The following MLLT10 variants were observed in gnomAD, a reference collection of about 807,000 sequenced individuals.
MLLT10 encodes the protein MLLT10 histone lysine methyltransferase DOT1L cofactor, also known as protein AF-10.
A neutral mutation model predicts 129.1 loss-of-function variants in MLLT10; 30 were observed. That is an observed-to-expected ratio of 0.23 (90% CI 0.17 to 0.32). The LOEUF is 0.32. Among genes scored for constraint, MLLT10 ranks in the 10% least tolerant of loss-of-function variants. The pLI, the probability that MLLT10 is intolerant of heterozygous loss-of-function variation, is 1.00. For missense variants in MLLT10, 1,119 were observed against 1,268.3 expected (o/e 0.88, Z 1.79); for synonymous variants, 490 against 446.4 (o/e 1.10, Z -1.23).
chr10:21,609,141 A>AT (rs1468593879), intron 5 of MLLT10, among the ~76,000 whole-genome samples: 8 of 151,706 alleles, frequency 5.3e-5, no homozygotes, highest in East Asian at 1.9e-4. Context: ...CCAGTTCCCC[A>AT]TTTTTTTTAG....
At chr10:21,627,408 T>C (rs571268682) in intron 8 of MLLT10, among the ~76,000 whole-genome samples, 10 of 152,278 alleles carry the variant, frequency 6.6e-5, no homozygotes, top group Non-Finnish European at 1.3e-4. Flanking sequence ...ATATTCAAAT[T>C]GCAGCCACTG....
intron 3 of MLLT10, among the ~76,000 whole-genome samples, chr10:21,565,690 G>A (rs1372036429): frequency 2.7e-5 from 4 of 150,192 alleles, no homozygotes; most frequent in Non-Finnish European, 5.9e-5. Context: ...ACTGCAGCCT[G>A]GACCTCCTGG....
chr10:21,714,018 G>T, intron 14 of MLLT10, 68 bp downstream of exon 14: 1 of 1,399,716 alleles, frequency 7.1e-7, no homozygotes. Flanking sequence ...AGTTTTGTTG[G>T]AGGAGAAACA....
chr10:21,656,447 C>G (rs988757308), intron 9 of MLLT10, among the ~76,000 whole-genome samples: 1 of 152,152 alleles, frequency 6.6e-6, no homozygotes, highest in South Asian at 2.1e-4. Flanking sequence ...CTTTAATTCA[C>G]TACTGTAATT....
chr10:21,621,108 C>A (rs1349392407), intron 8 of MLLT10, among the ~76,000 whole-genome samples: 1 of 151,130 alleles, frequency 6.6e-6, no homozygotes, highest in Admixed American at 6.6e-5. Flanking sequence ...CTCAGCCTTC[C>A]GAGTAGTTGG....
In MLLT10 at chr10:21,647,751, T is replaced by A. The variant is rs570272738; in HGVS notation, c.700-3922T>A. Among the ~76,000 whole-genome samples, 12 of 152,222 alleles carry A rather than the reference T, an allele frequency of 7.9e-5. No individual in the cohort carries two copies. The East Asian group carries it at 2.3e-3, about 29-fold the overall frequency. ...GTCCAATGGCATATGTATTTTCTTA[T>A]TTATTAAAAAATTTAAACAGAATTA... On this transcript the variant is annotated intron_variant, in intron 8 of 22. Transcript: ENST00000307729.
At chr10:21,719,068 G>C (rs756858604) in intron 14 of MLLT10, among the ~76,000 whole-genome samples, 1 of 152,234 alleles carries the variant, frequency 6.6e-6, no homozygotes, top group East Asian at 1.9e-4. Context: ...GAGTTTTGCA[G>C]ATTTCTGTGA....
intron 11 of MLLT10, among the ~76,000 whole-genome samples, chr10:21,679,387 A>G (rs1198070822): frequency 6.6e-6 from 1 of 152,192 alleles, no homozygotes; most frequent in Non-Finnish European, 1.5e-5. Flanking sequence ...TCTTCACCAC[A>G]TTACAAAAAT....
chr10:21,659,317 C>T (rs2049930282), intron 9 of MLLT10, among the ~76,000 whole-genome samples: 1 of 152,102 alleles, frequency 6.6e-6, no homozygotes. Flanking sequence ...GGCTTCTTAT[C>T]ACAACTAATG....
At chr10:21,741,041 G>T (rs947048927) in intron 22 of MLLT10, among the ~76,000 whole-genome samples, 11 of 152,178 alleles carry the variant, frequency 7.2e-5, no homozygotes, top group African/African-American at 2.2e-4. Flanking sequence ...GCTGTTTCCC[G>T]TTACTTTGAA....
chr10:21,611,535 A>T (rs1192487652), intron 5 of MLLT10, among the ~76,000 whole-genome samples: 3 of 152,130 alleles, frequency 2.0e-5, no homozygotes, highest in African/African-American at 7.2e-5. Context: ...ATGTAGTTAG[A>T]CATAACTTTT....
In MLLT10 at chr10:21,713,759, TG is replaced by T. The variant is rs750159081; in HGVS notation, c.1700-12del. 47 of 1,600,802 alleles carry T rather than the reference TG, an allele frequency of 2.9e-5. 1 individual carries two copies. Among genetic ancestry groups the T allele is most frequent in the Middle Eastern group, 1.7e-4 (1 of 5,838 alleles). ...TGCTAAGTTATATTTAAATAACATT[TG>T]TTTTTTTGCAGGTATTTATAACAGC... On this transcript the variant is annotated splice_polypyrimidine_tract_variant and intron_variant, in intron 13 of 22. Transcript: ENST00000307729.
Position 21,742,111 on chromosome 10 carries a change from T to G in MLLT10, c.*128T>G, listed in dbSNP as rs1833752705. On this transcript the variant is annotated 3_prime_UTR_variant, in exon 23 of 23. Coordinates refer to ENST00000307729, the MANE Select transcript of MLLT10 (RefSeq NM_001195626.3). ...ACTCAATGCACAACAAAGGATTAAT[T>G]GCTGCAAGGACATTCTTGTAAGGCT... The G allele has an allele frequency of 1.3e-6, 1 of 789,448 alleles. No individual in the cohort carries two copies. Among genetic ancestry groups the G allele is most frequent in the Non-Finnish European group, 2.1e-6 (1 of 487,318 alleles). The allele number at this position is 789,448 out of a possible 1,614,324, so 48.9% of individuals were successfully genotyped here. A position where few individuals can be genotyped will look rare whatever the true frequency, so the allele number is the denominator to read the frequency against.
chr10:21,740,757 C>T lies in MLLT10; in HGVS notation c.3162+521C>T, dbSNP rs1270410905. On this transcript the variant is annotated intron_variant, in intron 22 of 22. Transcript: ENST00000307729. Reference sequence around the variant, plus strand: ...TTTCATGTAAGTGATGGCATCGTACCCTTTCAATGTGAAAGTTAAATTAAA... The same window carrying T: ...TTTCATGTAAGTGATGGCATCGTACTCTTTCAATGTGAAAGTTAAATTAAA... Among the ~76,000 whole-genome samples, 5 of 151,992 alleles carry T rather than the reference C, an allele frequency of 3.3e-5. No homozygotes were observed. The East Asian group carries it at 9.6e-4, about 29-fold the overall frequency.
upstream of MLLT10, chr10:21,534,044 A>T (rs1276410910): frequency 6.0e-6 from 1 of 165,550 alleles, no homozygotes; most frequent in Non-Finnish European, 1.3e-5. Flanking sequence ...GCGCCCGTTC[A>T]TTCCGGCCTC....
chr10:21,688,145 G>A (rs2053487438), intron 13 of MLLT10, among the ~76,000 whole-genome samples: 1 of 152,016 alleles, frequency 6.6e-6, no homozygotes, highest in South Asian at 2.1e-4. Context: ...GTAGTTTCCA[G>A]TATCCATGTT....
Position 21,742,014 on chromosome 10 carries a change from C to CTGAAG in MLLT10, c.*33_*34insAAGTG. 6.2e-7 allele frequency: 1 copy of CTGAAG among 1,608,482 alleles called. No individual in the cohort carries two copies. The highest frequency in any genetic ancestry group is 8.5e-7 in the Non-Finnish European group (1 of 1,176,924). ...GAGAAACATCTAGAAATTGCCTATC[C>CTGAAG]TGCTGTTCTAGCACTTCATCTGGCT... is the stretch of plus-strand genomic sequence containing the variant. On this transcript the variant is annotated 3_prime_UTR_variant, in exon 23 of 23. Transcript: ENST00000307729.
In MLLT10 at chr10:21,735,223, A is replaced by G. The variant is rs142539244; in HGVS notation, c.2943A>G (p.Gln981=). ...AGTTTCAGCAGTTGTTAAATTCTCA[A>G]CAGCTCACACCAGTAAGTTCTTTCT... ...QQQFQQLLNS[Q]QLTPEQHQAF... is the part of the protein sequence containing the mutation. Residue 981 remains glutamine, a synonymous_variant, in exon 21 of 23, where the codon CAA becomes CAG. Coordinates refer to ENST00000307729, the MANE Select transcript of MLLT10 (RefSeq NM_001195626.3). 4,211 of 1,612,218 alleles carry G rather than the reference A, an allele frequency of 2.6e-3. 6 individuals carry two copies. Among genetic ancestry groups the G allele is most frequent in the Middle Eastern group, 8.3e-3 (50 of 6,058 alleles).
At chr10:21,539,801 C>G (rs2034770409) in intron 3 of MLLT10, among the ~76,000 whole-genome samples, 1 of 151,986 alleles carries the variant, frequency 6.6e-6, no homozygotes, top group South Asian at 2.1e-4. Flanking sequence ...CAAACATTAG[C>G]TGGGCGTGGT....
Sources: gnomAD v4.1 joint callset for allele counts (sites outside exome capture counted in the v4.1 genomes callset) on GRCh38, gnomAD v4.1.1 for gene constraint, MANE v1.5 for transcripts, NCBI Gene and HGNC (gene_info 2026-07-23, HGNC 2026-07-21) for gene names.